SUSD1: variants seen among roughly 807,000 people sequenced by gnomAD.
The protein encoded by SUSD1 is sushi domain containing 1, also known as sushi domain-containing protein 1.
Under a neutral mutation model 86.9 loss-of-function variants are expected in SUSD1, and 65 were observed. The observed-to-expected ratio is 0.75, with a 90% CI of 0.61 to 0.92. SUSD1 has a LOEUF of 0.92. Ranked by LOEUF, SUSD1 falls within the 40% of genes least tolerant of loss-of-function variation. The probability of loss-of-function intolerance (pLI) is 0.00; values close to 1 mark genes in which losing one functional copy is unlikely to be tolerated. For missense variants in SUSD1, 850 were observed against 929.7 expected (o/e 0.91, Z 1.11); for synonymous variants, 346 against 350.0 (o/e 0.99, Z 0.13).
At chr9:112,048,811 A>G (rs1250194874) in intron 15 of SUSD1, among the ~76,000 whole-genome samples, 3 of 152,246 alleles carry the variant, frequency 2.0e-5, no homozygotes, top group African/African-American at 7.2e-5. Context: ...CAGGTGGGTG[A>G]TCAGGAAATC....
chr9:112,092,870 T>C (rs7040522), intron 10 of SUSD1, among the ~76,000 whole-genome samples: 63,829 of 151,942 alleles, frequency 0.42, 13,640 homozygotes, highest in East Asian at 0.55. Context: ...AAAGGCAACA[T>C]AAATAATAAT....
Position 112,161,869 on chromosome 9 carries a change from G to C in SUSD1, c.104-4256C>G, listed in dbSNP as rs373317402. On this transcript the variant is annotated intron_variant, in intron 1 of 16. Transcript: ENST00000374270. ...ATCTTATTAAATACCCTAAATCTTGGGTAGTGTTTCAGTTTGGGATGATGA... is the reference window on the plus strand; with the variant it reads ...ATCTTATTAAATACCCTAAATCTTGCGTAGTGTTTCAGTTTGGGATGATGA... Among the ~76,000 whole-genome samples, 59 of 151,920 alleles carry C rather than the reference G, an allele frequency of 3.9e-4. No homozygotes were observed. In the South Asian group the frequency reaches 0.011, roughly 29 times the overall value.
chr9:112,137,812 G>A (rs1832330132), intron 5 of SUSD1: 1 of 152,120 alleles, frequency 6.6e-6, no homozygotes, highest in Admixed American at 6.5e-5. Flanking sequence ...CACTTTGGCA[G>A]CATGTATACT....
intron 5 of SUSD1, among the ~76,000 whole-genome samples, chr9:112,140,144 T>C (rs1216744206): frequency 4.9e-5 from 5 of 102,368 alleles, no homozygotes; most frequent in Non-Finnish European, 7.7e-5. Flanking sequence ...GGGTGGATCA[T>C]GAGGTCAGGA....
At chr9:112,051,167 C>T (rs1828173957) in intron 15 of SUSD1, among the ~76,000 whole-genome samples, 2 of 152,256 alleles carry the variant, frequency 1.3e-5, no homozygotes, top group South Asian at 2.1e-4. Flanking sequence ...TTCAGTTTTC[C>T]CTCTCATATT....
chr9:112,138,105 T>G (rs1280679929), intron 5 of SUSD1, among the ~76,000 whole-genome samples: 2 of 148,440 alleles, frequency 1.3e-5, no homozygotes, highest in African/African-American at 5.0e-5. Flanking sequence ...ACACCTGTAA[T>G]CCCAGCTACG....
At chr9:112,145,216 T>C (rs1014832854) in intron 3 of SUSD1, among the ~76,000 whole-genome samples, 1 of 151,324 alleles carries the variant, frequency 6.6e-6, no homozygotes, top group Non-Finnish European at 1.5e-5. Context: ...GGAAGCAGCA[T>C]GATTGAAGAA....
intron 10 of SUSD1, among the ~76,000 whole-genome samples, chr9:112,096,083 G>C (rs1830384396): frequency 6.6e-6 from 1 of 152,174 alleles, no homozygotes; most frequent in Admixed American, 6.5e-5. Flanking sequence ...ACACGTGGTA[G>C]ACTCCAGACT....
chr9:112,102,681 A>C (rs1477305919), intron 8 of SUSD1, among the ~76,000 whole-genome samples: 1 of 152,242 alleles, frequency 6.6e-6, no homozygotes, highest in Non-Finnish European at 1.5e-5. Flanking sequence ...CAGTAGCCAG[A>C]AAGTCTGAGA....
At chr9:112,083,329 G>A (rs1829845603) in intron 10 of SUSD1, among the ~76,000 whole-genome samples, 1 of 152,070 alleles carries the variant, frequency 6.6e-6, no homozygotes, top group African/African-American at 2.4e-5. Flanking sequence ...CTGAGTTCAA[G>A]CAATTCTCCT....
At chr9:112,071,413 T>C (rs112363716) in intron 12 of SUSD1, among the ~76,000 whole-genome samples, 3,598 of 152,142 alleles carry the variant, frequency 0.024, 144 homozygotes, top group African/African-American at 0.082. Context: ...TAAGCTATGA[T>C]TGTGCCACAG....
chr9:112,082,444 G>A (rs1829807313), intron 10 of SUSD1, among the ~76,000 whole-genome samples: 1 of 152,132 alleles, frequency 6.6e-6, no homozygotes, highest in Non-Finnish European at 1.5e-5. Flanking sequence ...ATCCTTATAA[G>A]AGAGCAACAA....
intron 5 of SUSD1, among the ~76,000 whole-genome samples, chr9:112,137,206 T>A (rs1237920163): frequency 6.6e-6 from 1 of 152,014 alleles, no homozygotes; most frequent in African/African-American, 2.4e-5. Context: ...TTGGAAACCA[T>A]GTGCTCAGAA....
intron 12 of SUSD1, among the ~76,000 whole-genome samples, chr9:112,070,936 G>C (rs1829240692): frequency 6.6e-6 from 1 of 152,152 alleles, no homozygotes; most frequent in African/African-American, 2.4e-5. Flanking sequence ...CCTCATATCA[G>C]ACATCAAAAT....
chr9:112,100,481 T>C (rs1378188840), intron 9 of SUSD1, among the ~76,000 whole-genome samples: 2 of 151,710 alleles, frequency 1.3e-5, no homozygotes, highest in East Asian at 3.9e-4. Flanking sequence ...CCACCACGCC[T>C]GGCCAATTCC....
At chr9:112,143,383 T>C (rs1363466574) in intron 4 of SUSD1, 88 bp downstream of exon 4, 1 of 1,380,392 alleles carries the variant, frequency 7.2e-7, no homozygotes. Context: ...CACCTCCACC[T>C]GCCTCCCCAA....
chr9:112,100,769 C>T (rs1205903482), intron 9 of SUSD1, among the ~76,000 whole-genome samples: 2 of 150,404 alleles, frequency 1.3e-5, no homozygotes, highest in Non-Finnish European at 3.0e-5. Context: ...GAGAGGGAGG[C>T]TGCAGTGAGC....
At chr9:112,077,794 T>G (rs959495826) in intron 12 of SUSD1, among the ~76,000 whole-genome samples, 2 of 152,112 alleles carry the variant, frequency 1.3e-5, no homozygotes, top group Non-Finnish European at 2.9e-5. Flanking sequence ...TGAGCCACTG[T>G]GCCTAGCTAG....
rs141203973 is a variant in SUSD1 at position 112,134,720 on chromosome 9, A to G, written c.706+7600T>C. 4.6e-3 allele frequency among the ~76,000 whole-genome samples: 705 copies of G among 152,126 alleles called. 9 individuals carry two copies. Among genetic ancestry groups the G allele is most frequent in the African/African-American group, 0.016 (678 of 41,502 alleles). On this transcript the variant is annotated intron_variant, in intron 5 of 16. Transcript: ENST00000374270. Reference sequence around the variant, plus strand: ...GCATTATGCAATATACCATTGTAACAAACTTGCACATGTGCCCCCTGAATC... The same window carrying G: ...GCATTATGCAATATACCATTGTAACGAACTTGCACATGTGCCCCCTGAATC...
Sources: gnomAD v4.1 joint callset for allele counts (sites outside exome capture counted in the v4.1 genomes callset) on GRCh38, gnomAD v4.1.1 for gene constraint, MANE v1.5 for transcripts, NCBI Gene and HGNC (gene_info 2026-07-23, HGNC 2026-07-21) for gene names.